The following BORCS5 variants were observed in gnomAD, a reference collection of about 807,000 sequenced individuals.
The protein encoded by BORCS5 is BLOC-1-related complex subunit 5.
A neutral mutation model predicts 22.1 loss-of-function variants in BORCS5; 17 were observed. The observed-to-expected ratio is 0.77, with a 90% CI of 0.53 to 1.15. The LOEUF (loss-of-function observed/expected upper bound fraction) is 1.15. BORCS5 is among the 50% of genes most tolerant of loss of function. The pLI is 0.00. For synonymous variants in BORCS5, 117 were observed against 99.8 expected (o/e 1.17, Z -1.03); for missense variants, 247 against 253.2 (o/e 0.98, Z 0.17).
At chr12:12,447,955 T>A (rs1226353402) in intron 3 of BORCS5, among the ~76,000 whole-genome samples, 1 of 152,160 alleles carries the variant, frequency 6.6e-6, no homozygotes, top group Non-Finnish European at 1.5e-5. Flanking sequence ...CCTCACCTGA[T>A]GTGGTAGTGA....
At chr12:12,464,575 A>G (rs982395437) in intron 3 of BORCS5, among the ~76,000 whole-genome samples, 1 of 151,740 alleles carries the variant, frequency 6.6e-6, no homozygotes, top group African/African-American at 2.4e-5. Flanking sequence ...TCAGTAGTTG[A>G]GCTGTTTTCT....
rs756450401 is a variant in BORCS5 at position 12,465,737 on chromosome 12, G to A, written c.552G>A (p.Glu184=). Residue 184 remains glutamate (E), a synonymous_variant, in exon 4 of 4, where the codon GAG becomes GAA. Coordinates refer to ENST00000314565, the MANE Select transcript of BORCS5 (RefSeq NM_058169.6). ...TGCTGCCCGAGGGCGAGCGGCTGGA[G>A]CCCTTCAGCATGAAGCCCGACCGCG... The part of the protein sequence containing the change: ...NSMLPEGERL[E]PFSMKPDREL... 3 of 1,614,018 alleles carry A rather than the reference G, an allele frequency of 1.9e-6. No individual in the cohort carries two copies. The highest frequency in any genetic ancestry group is 1.1e-5 in the South Asian group (1 of 91,084).
chr12:12,421,602 A>G (rs1241948430), intron 2 of BORCS5, among the ~76,000 whole-genome samples: 1 of 152,074 alleles, frequency 6.6e-6, no homozygotes, highest in Non-Finnish European at 1.5e-5. Context: ...TTTTCTATTG[A>G]TTGGAATAGT....
At chr12:12,431,614 A>T (rs1212382285) in intron 2 of BORCS5, among the ~76,000 whole-genome samples, 1 of 151,182 alleles carries the variant, frequency 6.6e-6, no homozygotes, top group Non-Finnish European at 1.5e-5. Flanking sequence ...GTTGGCCAGG[A>T]TGGTCTTGAT....
intron 3 of BORCS5, among the ~76,000 whole-genome samples, chr12:12,465,012 C>T (rs1943173117): frequency 6.6e-6 from 1 of 152,134 alleles, no homozygotes; most frequent in Admixed American, 6.5e-5. Flanking sequence ...CACTGTGTCG[C>T]CCAGGCTGGA....
chr12:12,430,563 C>T (rs1423145169), intron 2 of BORCS5, among the ~76,000 whole-genome samples: 2 of 151,840 alleles, frequency 1.3e-5, no homozygotes, highest in Non-Finnish European at 2.9e-5. Flanking sequence ...GGAGAACTGC[C>T]CTGAAGTTCT....
At chr12:12,448,542 C>CT (rs1404402372) in intron 3 of BORCS5, among the ~76,000 whole-genome samples, 16 of 120,310 alleles carry the variant, frequency 1.3e-4, no homozygotes, top group African/African-American at 2.4e-4. Context: ...TTTTTTTTTT[C>CT]TTTTTTTTGA....
chr12:12,449,983 T>C (rs1407494079), intron 3 of BORCS5, among the ~76,000 whole-genome samples: 3 of 152,374 alleles, frequency 2.0e-5, no homozygotes, highest in African/African-American at 7.2e-5. Context: ...TTTTTGACAC[T>C]GATTAATGAT....
chr12:12,457,511 TACAAAAA>T (rs1219139168), intron 3 of BORCS5, among the ~76,000 whole-genome samples: 4 of 152,056 alleles, frequency 2.6e-5, no homozygotes. Flanking sequence ...CTACTAAAAA[TACAAAAA>T]ATTAGCTGGG....
rs369590854 is a variant in BORCS5, at chr12:12,365,527, C to T, written c.202+4178C>T. 2.6e-5 allele frequency among the ~76,000 whole-genome samples: 4 copies of T among 151,942 alleles called. No homozygotes were observed. In the South Asian group the frequency reaches 8.3e-4, roughly 32 times the overall value. ...AAAATAGTTTGTATAATTCATCCCC[C>T]CCACCCCAACCCCCACTTGATGAGA... On this transcript the variant is annotated intron_variant, in intron 2 of 3. Coordinates refer to ENST00000314565, the MANE Select transcript of BORCS5 (RefSeq NM_058169.6).
intron 3 of BORCS5, among the ~76,000 whole-genome samples, chr12:12,461,310 A>G (rs1943100210): frequency 6.6e-6 from 1 of 151,882 alleles, no homozygotes; most frequent in African/African-American, 2.4e-5. Context: ...GTGGGACTAC[A>G]GGTGTGTTCC....
chr12:12,397,640 G>A (rs956001270), intron 2 of BORCS5, among the ~76,000 whole-genome samples: 6 of 152,136 alleles, frequency 3.9e-5, no homozygotes, highest in Non-Finnish European at 7.4e-5. Flanking sequence ...CATCATTGTC[G>A]AACACATTTT....
chr12:12,401,918 T>C (rs1941487379), intron 2 of BORCS5, among the ~76,000 whole-genome samples: 1 of 151,556 alleles, frequency 6.6e-6, no homozygotes, highest in African/African-American at 2.4e-5. Context: ...ACAAAAAAAT[T>C]AGCTGGGCTT....
At chr12:12,439,303 A>G (rs1302038728) in intron 3 of BORCS5, among the ~76,000 whole-genome samples, 2 of 152,096 alleles carry the variant, frequency 1.3e-5, no homozygotes, top group African/African-American at 2.4e-5. Flanking sequence ...TAACCAGGGG[A>G]GAACCAGTGT....
At position 12,357,229 on chromosome 12, in the gene BORCS5, C is replaced by A; in HGVS notation, c.-223C>A. The A allele has an allele frequency of 6.8e-7, 1 of 1,477,688 alleles. No individual in the cohort carries two copies. Among genetic ancestry groups the A allele is most frequent in the Admixed American group, 2.4e-5 (1 of 41,904 alleles). The allele number at this position is 1,477,688 out of a possible 1,614,324, so 91.5% of individuals were successfully genotyped here. A position where few individuals can be genotyped will look rare whatever the true frequency, so the allele number is the denominator to read the frequency against. On this transcript the variant is annotated 5_prime_UTR_variant, in exon 1 of 4. Transcript: ENST00000314565. The stretch of plus-strand genomic sequence containing the variant: ...GGAGGGCTAGCCGCGTGCGTTCGCG[C>A]CGCGCCTCCTTGCGTTTCTGTTCCC...
chr12:12,369,237 A>G (rs980568162), intron 2 of BORCS5, among the ~76,000 whole-genome samples: 2 of 152,020 alleles, frequency 1.3e-5, no homozygotes, highest in East Asian at 3.9e-4. Flanking sequence ...CAATATAGCC[A>G]CTCCAGCTTT....
At chr12:12,376,283 G>A (rs1257128640) in intron 2 of BORCS5, among the ~76,000 whole-genome samples, 1 of 150,260 alleles carries the variant, frequency 6.7e-6, no homozygotes. Context: ...GCCCAGGCTG[G>A]AGTGCAGTGG....
Position 12,470,639 on chromosome 12 carries a change from G to C in BORCS5, c.*4863G>C, listed in dbSNP as rs928234617. ...TGGGTCCCTGGTGCCAGAAAGGTTG[G>C]GGACTGCTGTCATAAATAACATTGA... On this transcript the variant is annotated 3_prime_UTR_variant, in exon 4 of 4. Transcript: ENST00000314565. Among the ~76,000 whole-genome samples, 1 of 151,266 alleles carries C rather than the reference G, an allele frequency of 6.6e-6. No homozygotes were observed. Among genetic ancestry groups the C allele is most frequent in the Non-Finnish European group, 1.5e-5 (1 of 67,906 alleles).
At chr12:12,365,309 A>G (rs948845699) in intron 2 of BORCS5, among the ~76,000 whole-genome samples, 6 of 151,746 alleles carry the variant, frequency 4.0e-5, no homozygotes, top group Non-Finnish European at 5.9e-5. Context: ...AGCTGGGACT[A>G]CAGTGTGCAC....
Sources: allele counts gnomAD v4.1 joint callset (sites outside exome capture counted in the v4.1 genomes callset), GRCh38; gene constraint gnomAD v4.1.1; transcripts MANE v1.5; gene names NCBI Gene and HGNC (gene_info 2026-07-23, HGNC 2026-07-21).